The following VTA1 variants were observed in gnomAD, a reference collection of about 807,000 sequenced individuals.
VTA1 encodes vacuolar protein sorting-associated protein VTA1 homolog.
Under a neutral mutation model 36.9 loss-of-function variants are expected in VTA1, and 24 were observed. The observed-to-expected ratio is 0.65, with a 90% CI of 0.47 to 0.91. The LOEUF (loss-of-function observed/expected upper bound fraction) is 0.91. VTA1 is among the 40% of genes least tolerant of loss of function. The pLI is 0.00. For synonymous variants in VTA1, 142 were observed against 130.2 expected (o/e 1.09, Z -0.62); for missense variants, 393 against 377.2 (o/e 1.04, Z -0.35).
chr6:142,176,136 G>A (rs564222447), intron 4 of VTA1, among the ~76,000 whole-genome samples: 2 of 152,108 alleles, frequency 1.3e-5, no homozygotes, highest in Admixed American at 1.3e-4. Flanking sequence ...ATTATTGATA[G>A]GCTTCCTTTC....
At chr6:142,173,363 C>G (rs183966958) in intron 4 of VTA1, among the ~76,000 whole-genome samples, 26 of 152,188 alleles carry the variant, frequency 1.7e-4, no homozygotes, top group Non-Finnish European at 4.4e-5. Context: ...CATGATAAGG[C>G]AAAGTAACAG....
In VTA1 at chr6:142,216,193, A is replaced by G. The variant is rs77817534; in HGVS notation, c.779-2305A>G. ...TTGACCTTTTTGAGTATAAAGTCAG[A>G]TAAACTGAAATTTAACACTTGTTCT... is the stretch of plus-strand genomic sequence containing the variant. On this transcript the variant is annotated intron_variant, in intron 7 of 7. Coordinates refer to ENST00000367630, the MANE Select transcript of VTA1 (RefSeq NM_016485.5). 1.1e-4 allele frequency among the ~76,000 whole-genome samples: 17 copies of G among 152,038 alleles called. No homozygotes were observed. In the East Asian group the frequency reaches 3.3e-3, roughly 29 times the overall value.
chr6:142,216,487 T>C (rs760329168), intron 7 of VTA1, among the ~76,000 whole-genome samples: 1 of 152,188 alleles, frequency 6.6e-6, no homozygotes, highest in Non-Finnish European at 1.5e-5. Flanking sequence ...AGTTACATTT[T>C]GGATCTAAAT....
chr6:142,191,607 G>C (rs999867789), intron 5 of VTA1, among the ~76,000 whole-genome samples: 1 of 151,980 alleles, frequency 6.6e-6, no homozygotes, highest in East Asian at 1.9e-4. Context: ...GGAGTTTCTG[G>C]ATAGTGGAAA....
intron 5 of VTA1, among the ~76,000 whole-genome samples, chr6:142,192,978 C>T (rs1185715997): frequency 6.6e-6 from 1 of 152,052 alleles, no homozygotes; most frequent in African/African-American, 2.4e-5. Flanking sequence ...TTTAGTGTAT[C>T]ATCTGATTTC....
rs2114694064 is a variant in VTA1, at chr6:142,219,768, T to G, written c.*1125T>G. ...GTTAACTGAAATTTATCTGGTCCAT[T>G]TTATTCATGCTACTAAGATGGGAAT... On this transcript the variant is annotated 3_prime_UTR_variant, in exon 8 of 8. Coordinates refer to ENST00000367630, the MANE Select transcript of VTA1 (RefSeq NM_016485.5). The G allele has an allele frequency of 6.6e-6, 1 of 152,324 alleles. No homozygotes were observed. Among genetic ancestry groups the G allele is most frequent in the Admixed American group, 6.5e-5 (1 of 15,298 alleles). 9.4% of individuals were successfully genotyped at this position (152,324 alleles called of 1,614,324 possible). A position where few individuals can be genotyped will look rare whatever the true frequency, so the allele number is the denominator to read the frequency against.
At chr6:142,159,808 C>T (rs531641378) in intron 1 of VTA1, among the ~76,000 whole-genome samples, 2 of 151,922 alleles carry the variant, frequency 1.3e-5, no homozygotes, top group African/African-American at 2.4e-5. Context: ...CCACCGTGCC[C>T]GGCCGATATA....
intron 4 of VTA1, among the ~76,000 whole-genome samples, chr6:142,176,640 A>G (rs1422158736): frequency 6.6e-6 from 1 of 150,612 alleles, no homozygotes; most frequent in Non-Finnish European, 1.5e-5. Context: ...TTTGCAGATG[A>G]TTTTGTAAAA....
chr6:142,216,633 A>T (rs1251507874), intron 7 of VTA1, among the ~76,000 whole-genome samples: 1 of 152,176 alleles, frequency 6.6e-6, no homozygotes, highest in Non-Finnish European at 1.5e-5. Flanking sequence ...TTAAATATTG[A>T]AATTATTTCA....
chr6:142,202,288 G>A (rs924533490), intron 6 of VTA1, among the ~76,000 whole-genome samples: 2 of 151,924 alleles, frequency 1.3e-5, no homozygotes, highest in Non-Finnish European at 2.9e-5. Flanking sequence ...CATTGAATAG[G>A]TCAGCCTAAG....
At chr6:142,215,397 T>G (rs943179809) in intron 7 of VTA1, among the ~76,000 whole-genome samples, 9 of 151,076 alleles carry the variant, frequency 6.0e-5, no homozygotes, top group Non-Finnish European at 1.5e-5. Flanking sequence ...GCCGAGATCA[T>G]GCCACTGCAC....
intron 5 of VTA1, 55 bp downstream of exon 5, chr6:142,189,589 T>A: frequency 7.0e-7 from 1 of 1,436,446 alleles, no homozygotes; most frequent in Non-Finnish European, 9.6e-7. Context: ...AATTATTCAG[T>A]AGATTACTCA....
chr6:142,200,540 G>A (rs932932068), intron 6 of VTA1, among the ~76,000 whole-genome samples: 15 of 151,876 alleles, frequency 9.9e-5, no homozygotes, highest in Non-Finnish European at 2.9e-5. Flanking sequence ...GTATACAAAA[G>A]AGAACACTTT....
At chr6:142,177,046 A>T (rs751377235) in intron 4 of VTA1, among the ~76,000 whole-genome samples, 3 of 152,182 alleles carry the variant, frequency 2.0e-5, no homozygotes, top group Non-Finnish European at 4.4e-5. Context: ...TTCCAACTAC[A>T]AAAGCATTTA....
intron 4 of VTA1, among the ~76,000 whole-genome samples, chr6:142,182,447 A>T (rs1248629506): frequency 6.6e-6 from 1 of 152,220 alleles, no homozygotes; most frequent in Admixed American, 6.5e-5. Flanking sequence ...AGGCAAACTC[A>T]TTAGTATGTT....
intron 1 of VTA1, among the ~76,000 whole-genome samples, chr6:142,165,812 C>T (rs1409668131): frequency 6.6e-6 from 1 of 152,010 alleles, no homozygotes; most frequent in Non-Finnish European, 1.5e-5. Flanking sequence ...TTCTATAAAC[C>T]TCAGTTCAAG....
rs976039095 is a variant in VTA1, at chr6:142,219,163, A to G, written c.*520A>G. 5.3e-5 allele frequency: 8 copies of G among 152,350 alleles called. No homozygotes were observed. Among genetic ancestry groups the G allele is most frequent in the African/African-American group, 1.9e-4 (8 of 41,594 alleles). The allele number at this position is 152,350 out of a possible 1,614,324, so 9.4% of individuals were successfully genotyped here. A position where few individuals can be genotyped will look rare whatever the true frequency, so the allele number is the denominator to read the frequency against. ...ATGAATCTGAAAAGACATTAAGTTC[A>G]AATTTTAATTTATTCTCATATTAAA... On this transcript the variant is annotated 3_prime_UTR_variant, in exon 8 of 8. Transcript: ENST00000367630.
chr6:142,162,863 G>T (rs777472659), intron 1 of VTA1, among the ~76,000 whole-genome samples: 10 of 152,188 alleles, frequency 6.6e-5, no homozygotes, highest in Non-Finnish European at 1.5e-4. Context: ...CTGTAGTAAT[G>T]TGCATAGTTG....
chr6:142,223,106 TAGTG>T lies in VTA1; in HGVS notation c.*4466_*4469del, dbSNP rs1562274764. On this transcript the variant is annotated 3_prime_UTR_variant, in exon 8 of 8. Transcript: ENST00000367630. ...AAGGTCATTGGACAGTTCCTTTTAT[TAGTG>T]AGGTGTTAGCACCTAAATTTTTCTA... 1 of 152,198 alleles carries T rather than the reference TAGTG, an allele frequency of 6.6e-6. No homozygotes were observed. Among genetic ancestry groups the T allele is most frequent in the Non-Finnish European group, 1.5e-5 (1 of 68,028 alleles). The allele number at this position is 152,198 out of a possible 1,614,324, so 9.4% of individuals were successfully genotyped here.
Sources: allele counts gnomAD v4.1 joint callset (sites outside exome capture counted in the v4.1 genomes callset), GRCh38; gene constraint gnomAD v4.1.1; transcripts MANE v1.5; gene names NCBI Gene and HGNC (gene_info 2026-07-23, HGNC 2026-07-21).